BICRA: variants seen among roughly 807,000 people sequenced by gnomAD.
BICRA encodes BRD4-interacting chromatin-remodeling complex-associated protein.
Under a neutral mutation model 96.9 loss-of-function variants are expected in BICRA, and 31 were observed. The ratio of observed to expected loss-of-function variants is 0.32; its 90% confidence interval spans 0.24 to 0.43. The LOEUF is 0.43. Among genes scored for constraint, BICRA ranks in the 20% least tolerant of loss-of-function variants. The probability of loss-of-function intolerance (pLI) is 1.00; values close to 1 mark genes in which losing one functional copy is unlikely to be tolerated. For synonymous variants in BICRA, 1,350 were observed against 1,071.8 expected (o/e 1.26, Z -5.07); for missense variants, 2,283 against 2,190.3 (o/e 1.04, Z -0.84).
intron 1 of BICRA, among the ~76,000 whole-genome samples, chr19:47,627,435 G>A (rs1972157788): frequency 6.6e-6 from 1 of 152,120 alleles, no homozygotes; most frequent in Non-Finnish European, 1.5e-5. Flanking sequence ...TGCATTTATG[G>A]CAATAACTGA....
intron 9 of BICRA, 68 bp from the exon 10 acceptor site, chr19:47,695,297 C>T (rs952396423): frequency 3.7e-5 from 31 of 835,906 alleles, no homozygotes; most frequent in Non-Finnish European, 5.3e-5. Flanking sequence ...GGATGGGGCT[C>T]CCGTTTGAGG....
chr19:47,638,336 C>G (rs964636592), intron 1 of BICRA, among the ~76,000 whole-genome samples: 9 of 152,276 alleles, frequency 5.9e-5, no homozygotes, highest in Non-Finnish European at 1.3e-4. Context: ...GGGAGAGGGC[C>G]AAGCCTGGGA....
Position 47,636,581 on chromosome 19 carries a change from C to T in BICRA, c.-108+27413C>T, listed in dbSNP as rs184818745. The stretch of plus-strand genomic sequence containing the variant: ...GGAGTTCAGTGGTGTGATCTCAGCT[C>T]AGTGCAACCTCTGCCTCTCAGGTTC... On this transcript the variant is annotated intron_variant, in intron 1 of 14. Transcript: ENST00000594866. Among the ~76,000 whole-genome samples, 130 of 152,146 alleles carry T rather than the reference C, an allele frequency of 8.5e-4. 2 individuals are homozygous for T. The highest frequency in any genetic ancestry group is 3.1e-3 in the African/African-American group (127 of 41,488).
intron 1 of BICRA, among the ~76,000 whole-genome samples, chr19:47,609,506 A>C: frequency 1.4e-5 from 2 of 143,164 alleles, no homozygotes; most frequent in Non-Finnish European, 3.1e-5. Flanking sequence ...CCCTGCCCAG[A>C]CCCGGCGCCC....
At chr19:47,635,875 C>G (rs1274732799) in intron 1 of BICRA, among the ~76,000 whole-genome samples, 1 of 152,152 alleles carries the variant, frequency 6.6e-6, no homozygotes, top group African/African-American at 2.4e-5. Flanking sequence ...TGGATTGTTT[C>G]CACCTTTTAA....
At position 47,702,278 on chromosome 19, in the gene BICRA, G is replaced by T; in HGVS notation, c.4546G>T (p.Gly1516Cys). 6.3e-7 allele frequency: 1 copy of T among 1,594,918 alleles called. No individual in the cohort carries two copies. The change falls in exon 15 of 15, where the codon GGC becomes TGC. Residue 1516 changes from glycine to cysteine, a missense_variant. Transcript: ENST00000594866. Reference protein sequence around the residue: ...DSILNLQQAPGRTPAPSYPHA... With the variant: ...DSILNLQQAPCRTPAPSYPHA... ...CATCCTGAACCTGCAGCAGGCCCCC[G>T]GCCGGACGCCCGCGCCCTCGTACCC...
rs371614827 is a variant in BICRA, at chr19:47,698,623, T to C, written c.3249-11T>C. The C allele has an allele frequency of 5.3e-5, 75 of 1,411,852 alleles. No individual in the cohort carries two copies. The Middle Eastern group carries it at 1.1e-3, about 20-fold the overall frequency. 87.5% of individuals were successfully genotyped at this position (1,411,852 alleles called of 1,614,324 possible). ...TCCGCCGTGTGTGGTCTCTCCCCTT[T>C]CCACCCGCAGTTTCCTGGAGCATTT... On this transcript the variant is annotated splice_polypyrimidine_tract_variant and intron_variant, in intron 11 of 14. Coordinates refer to ENST00000594866, the MANE Select transcript of BICRA (RefSeq NM_001394372.1). This position sits in a 1 kb window ranked among gnomAD's most constrained non-coding sequence, Gnocchi z 4.8.
intron 1 of BICRA, among the ~76,000 whole-genome samples, chr19:47,656,209 T>G (rs570727348): frequency 4.0e-5 from 6 of 151,834 alleles, no homozygotes; most frequent in Non-Finnish European, 8.8e-5. Flanking sequence ...CCATGAGTTC[T>G]TTTCACACCA....
At chr19:47,633,830 C>A (rs1300744129) in intron 1 of BICRA, among the ~76,000 whole-genome samples, 2 of 152,184 alleles carry the variant, frequency 1.3e-5, no homozygotes, top group African/African-American at 4.8e-5. Flanking sequence ...TATTTATAAC[C>A]CGTCTTTATT....
intron 1 of BICRA, among the ~76,000 whole-genome samples, chr19:47,641,590 GAT>G (rs1055095568): frequency 6.6e-6 from 1 of 152,100 alleles, no homozygotes; most frequent in African/African-American, 2.4e-5. Flanking sequence ...TTGGAGCTAT[GAT>G]CATGCCACTG....
intron 1 of BICRA, among the ~76,000 whole-genome samples, chr19:47,618,319 T>G (rs774469167): frequency 1.8e-4 from 28 of 152,150 alleles, no homozygotes; most frequent in Non-Finnish European, 3.8e-4. Flanking sequence ...ACCCTGTGAC[T>G]TGGTGGCAAG....
rs757730722 is a variant in BICRA, at chr19:47,680,710, A to G, written c.1540A>G (p.Ile514Val). The G allele has an allele frequency of 2.6e-5, 42 of 1,601,804 alleles. No homozygotes were observed. The highest frequency in any genetic ancestry group is 2.3e-5 in the Non-Finnish European group (27 of 1,175,098). The change falls in exon 6 of 15, where the codon ATC becomes GTC. Residue 514 changes from isoleucine to valine, a missense_variant. Transcript: ENST00000594866. ...HTGGQLIANP[I>V]LTNQNLAGPL... ...AGGTGGACAGCTCATCGCGAACCCC[A>G]TCCTCACAAACCAGAACCTGGCGGG...
At chr19:47,610,040 AACGGGAGGCACCAGGCCCGGCCGGGGC>A (rs1325978627) in intron 1 of BICRA, among the ~76,000 whole-genome samples, 4 of 152,050 alleles carry the variant, frequency 2.6e-5, no homozygotes, top group Non-Finnish European at 5.9e-5. Flanking sequence ...TCGGCCTGGG[AACGGGAGGCACCAGGCCCGGCCGGGGC>A]ACCGCGCTCG....
At chr19:47,623,313 G>T (rs1334602682) in intron 1 of BICRA, among the ~76,000 whole-genome samples, 1 of 152,052 alleles carries the variant, frequency 6.6e-6, no homozygotes, top group African/African-American at 2.4e-5. Context: ...TCGCCTTGTT[G>T]GTTACCTGTC....
rs756915882 is a variant in BICRA, at chr19:47,681,305, A to G, written c.2106+29A>G. The G allele has an allele frequency of 2.6e-6, 4 of 1,537,386 alleles. No homozygotes were observed. In the South Asian group the frequency reaches 3.6e-5, roughly 14 times the overall value. On this transcript the variant is annotated intron_variant, in intron 6 of 14. Coordinates refer to ENST00000594866, the MANE Select transcript of BICRA (RefSeq NM_001394372.1). ...AGCAGGGCGGGGCAAGGGAGCAGGT[A>G]CCGGAGGAGGCGGGTTTGGGAGGAA...
At chr19:47,672,150 C>T (rs1422160573) in intron 2 of BICRA, among the ~76,000 whole-genome samples, 1 of 54,626 alleles carries the variant, frequency 1.8e-5, no homozygotes. Context: ...AAGGATGGAG[C>T]ATGGGTAGGT....
chr19:47,681,388 G>C (rs1228775901), intron 6 of BICRA, 112 bp downstream of exon 6: 7 of 941,582 alleles, frequency 7.4e-6, no homozygotes, highest in Middle Eastern at 2.6e-4. Context: ...TGGCAGCTGG[G>C]GGGGGAAGGT....
At position 47,679,460 on chromosome 19, in the gene BICRA, C is replaced by A. The variant is rs942604977; in HGVS notation, c.290C>A (p.Ala97Asp). Reference sequence around the variant, plus strand: ...GGCGGCGGCGGGGGCAGTGGGGGCGCTGACCAGCCCTGTGACATCCTCCAG... The same window carrying A: ...GGCGGCGGCGGGGGCAGTGGGGGCGATGACCAGCCCTGTGACATCCTCCAG... ...TGGGGGGSGGADQPCDILQQS... is the reference protein window; with the variant it reads ...TGGGGGGSGGDDQPCDILQQS... Residue 97 changes from alanine (A) to aspartate (D), a missense_variant, in exon 6 of 15, where the codon GCT becomes GAT. By Grantham distance (126) the Ala-to-Asp change is moderately radical. Coordinates refer to ENST00000594866, the MANE Select transcript of BICRA (RefSeq NM_001394372.1). 1 of 1,516,040 alleles carries A rather than the reference C, an allele frequency of 6.6e-7. No individual in the cohort carries two copies. The highest frequency in any genetic ancestry group is 2.2e-5 in the Admixed American group (1 of 45,234). 93.9% of individuals were successfully genotyped at this position (1,516,040 alleles called of 1,614,324 possible). A position where few individuals can be genotyped will look rare whatever the true frequency, so the allele number is the denominator to read the frequency against.
In BICRA at chr19:47,679,691, C is replaced by T; in HGVS notation, c.521C>T (p.Thr174Ile). The T allele has an allele frequency of 6.5e-7, 1 of 1,528,440 alleles. No homozygotes were observed. The allele number at this position is 1,528,440 out of a possible 1,614,324, so 94.7% of individuals were successfully genotyped here. ...TDLLGLQGPP[T>I]VLTHQALVPP... ...CTGCTGGGGCTGCAGGGCCCGCCTA[C>T]CGTGCTGACCCACCAGGCCCTGGTG... The change falls in exon 6 of 15, where the codon ACC becomes ATC. Residue 174 changes from threonine (T) to isoleucine (I), a missense_variant. Physicochemically the swap from Thr to Ile is moderately conservative, Grantham distance 89 (BLOSUM62 -1). Coordinates refer to ENST00000594866, the MANE Select transcript of BICRA (RefSeq NM_001394372.1).
Sources: gnomAD v4.1 joint callset for allele counts (sites outside exome capture counted in the v4.1 genomes callset) on GRCh38, gnomAD v4.1.1 for gene constraint, Gnocchi (gnomAD v3.1) non-coding constraint, MANE v1.5 for transcripts, NCBI Gene and HGNC (gene_info 2026-07-23, HGNC 2026-07-21) for gene names.